LPCAT3: variants seen among roughly 807,000 people sequenced by gnomAD.
LPCAT3 encodes lysophosphatidylcholine acyltransferase 3.
A neutral mutation model predicts 63.4 loss-of-function variants in LPCAT3; 21 were observed. The observed-to-expected ratio is 0.33, with a 90% confidence interval of 0.23 to 0.48. The LOEUF (loss-of-function observed/expected upper bound fraction) is 0.48, where lower values mean the gene tolerates loss of function less well. Among genes scored for constraint, LPCAT3 ranks in the 20% least tolerant of loss-of-function variants. The probability of loss-of-function intolerance (pLI) is 0.99; values close to 1 mark genes in which losing one functional copy is unlikely to be tolerated. For synonymous variants in LPCAT3, 242 were observed against 227.5 expected (o/e 1.06, Z -0.58); for missense variants, 451 against 590.6 (o/e 0.76, Z 2.45).
At chr12:6,980,702 A>G in intron 6 of LPCAT3, 2 of 199,912 alleles carry the variant, frequency 1.0e-5, no homozygotes, top group Non-Finnish European at 2.0e-5. Context: ...CCTATCAATC[A>G]TAAATATATT....
At position 6,977,073 on chromosome 12, in the gene LPCAT3, TCCAG is replaced by T; in HGVS notation, c.*12+57_*12+60del. Reference sequence around the variant, plus strand: ...CAGATTTCTAATACTATTGTTTTTTTCCAGTCTGTTGCTCTATTCTGTAACCTGG... The same window carrying T: ...CAGATTTCTAATACTATTGTTTTTTTTCTGTTGCTCTATTCTGTAACCTGG... On this transcript the variant is annotated intron_variant, in intron 12 of 12. Transcript: ENST00000261407. The surrounding 1 kb of genome is among the most constrained non-coding windows in gnomAD (Gnocchi z 4.5). 2 of 1,041,552 alleles carry T rather than the reference TCCAG, an allele frequency of 1.9e-6. No homozygotes were observed. Among genetic ancestry groups the T allele is most frequent in the Admixed American group, 1.8e-5 (1 of 56,160 alleles). The allele number at this position is 1,041,552 out of a possible 1,614,324, so 64.5% of individuals were successfully genotyped here.
chr12:7,007,296 C>A (rs1441640295), intron 1 of LPCAT3, among the ~76,000 whole-genome samples: 2 of 151,818 alleles, frequency 1.3e-5, no homozygotes, highest in African/African-American at 4.8e-5. Flanking sequence ...GGTGATCCAC[C>A]CACCTTGGCT....
intron 1 of LPCAT3, among the ~76,000 whole-genome samples, chr12:7,003,192 A>G (rs1946701142): frequency 6.6e-6 from 1 of 152,140 alleles, no homozygotes; most frequent in African/African-American, 2.4e-5. Context: ...AACTGGCTCA[A>G]ATAAAAACCA....
intron 9 of LPCAT3, 181 bp downstream of exon 9, chr12:6,978,160 A>G (rs1946430615): frequency 4.4e-6 from 3 of 689,442 alleles, no homozygotes; most frequent in Non-Finnish European, 7.1e-6. Context: ...TTTTTCAAAT[A>G]TGACAGTAAT....
chr12:6,980,482 T>C (rs1288374191), intron 6 of LPCAT3, among the ~76,000 whole-genome samples: 3 of 152,126 alleles, frequency 2.0e-5, no homozygotes, highest in South Asian at 4.1e-4. Flanking sequence ...CAGCCTCCTA[T>C]GTAGCTTGGA....
intron 12 of LPCAT3, 88 bp from the exon 13 acceptor site, chr12:6,976,979 C>T (rs1009743350): frequency 6.5e-6 from 4 of 615,676 alleles, no homozygotes; most frequent in Non-Finnish European, 1.2e-5. Context: ...TAGCATGCCT[C>T]AATAAGTCAC....
chr12:6,979,127 G>A, intron 7 of LPCAT3: 1 of 335,700 alleles, frequency 3.0e-6, no homozygotes, highest in South Asian at 4.6e-5. Flanking sequence ...CCCTAGAAGT[G>A]CCCAAATGTA....
At chr12:7,008,503 G>T (rs1334645015) in intron 1 of LPCAT3, among the ~76,000 whole-genome samples, 1 of 152,120 alleles carries the variant, frequency 6.6e-6, no homozygotes, top group South Asian at 2.1e-4. Flanking sequence ...ATTAAGAAAC[G>T]TAAGGAGATC....
At position 6,987,450 on chromosome 12, in the gene LPCAT3, T is replaced by C. The variant is rs781949721; in HGVS notation, c.152-3911A>G. Among the ~76,000 whole-genome samples the C allele has an allele frequency of 6.6e-6, 1 of 152,326 alleles. No individual in the cohort carries two copies. The highest frequency in any genetic ancestry group is 2.4e-5 in the African/African-American group (1 of 41,580). On this transcript the variant is annotated intron_variant, in intron 1 of 12. Coordinates refer to ENST00000261407, the MANE Select transcript of LPCAT3 (RefSeq NM_005768.6). The surrounding 1 kb of genome is among the most constrained non-coding windows in gnomAD (Gnocchi z 4.1). ...CAAGGAAATAGGATCAAGTCTCATATATTTCACATGGGCAGAAATTTGGCA... is the reference window on the plus strand; with the variant it reads ...CAAGGAAATAGGATCAAGTCTCATACATTTCACATGGGCAGAAATTTGGCA...
chr12:6,985,218 C>T (rs1254595190), intron 1 of LPCAT3, among the ~76,000 whole-genome samples: 3 of 151,410 alleles, frequency 2.0e-5, no homozygotes, highest in South Asian at 4.2e-4. Flanking sequence ...GGTGAAACCC[C>T]GTCTCTACTA....
At chr12:7,001,364 A>T in intron 1 of LPCAT3, 1 of 452,142 alleles carries the variant, frequency 2.2e-6, no homozygotes, top group Non-Finnish European at 4.4e-6. Context: ...TAAGCTTCAG[A>T]TCCCAGAAAT....
chr12:7,001,947 C>T (rs1946690236), intron 1 of LPCAT3, among the ~76,000 whole-genome samples: 1 of 151,800 alleles, frequency 6.6e-6, no homozygotes, highest in South Asian at 2.1e-4. Context: ...ATGTGGGAGT[C>T]GGGGGGGAGT....
chr12:7,005,785 T>C (rs940153667), intron 1 of LPCAT3, among the ~76,000 whole-genome samples: 1 of 152,248 alleles, frequency 6.6e-6, no homozygotes, highest in Non-Finnish European at 1.5e-5. Context: ...TATCTTTTTA[T>C]TGTTGAATTC....
rs61917872 is a variant in LPCAT3, at chr12:6,976,881, G to T, written c.*23C>A. On this transcript the variant is annotated 3_prime_UTR_variant, in exon 13 of 13. Transcript: ENST00000261407. Reference sequence around the variant, plus strand: ...GACGAGTAGTTTCTGCACCAGTCCCGCACAGGCCACCTGCAAGACAAGAGG... The same window carrying T: ...GACGAGTAGTTTCTGCACCAGTCCCTCACAGGCCACCTGCAAGACAAGAGG... 64 of 424,894 alleles carry T rather than the reference G, an allele frequency of 1.5e-4. No individual in the cohort carries two copies. The highest frequency in any genetic ancestry group is 1.4e-3 in the Middle Eastern group (2 of 1,462). The allele number at this position is 424,894 out of a possible 1,614,324, so 26.3% of individuals were successfully genotyped here. A position where few individuals can be genotyped will look rare whatever the true frequency, so the allele number is the denominator to read the frequency against.
chr12:7,002,877 C>T (rs782057260), intron 1 of LPCAT3, among the ~76,000 whole-genome samples: 1 of 152,178 alleles, frequency 6.6e-6, no homozygotes, highest in African/African-American at 2.4e-5. Context: ...GGCGTGGTGG[C>T]GGGCGCCTGT....
chr12:7,000,792 C>T (rs1005397845), intron 1 of LPCAT3, among the ~76,000 whole-genome samples: 1 of 151,328 alleles, frequency 6.6e-6, no homozygotes, highest in East Asian at 2.0e-4. Flanking sequence ...CTGCAAGCTC[C>T]GCCTCCCGGG....
chr12:6,979,090 T>C, intron 7 of LPCAT3: 1 of 295,974 alleles, frequency 3.4e-6, no homozygotes, highest in South Asian at 5.8e-5. Context: ...AAGCCAGCAC[T>C]TCCCCCCTTC....
chr12:6,979,806 A>G, intron 6 of LPCAT3: 1 of 564,578 alleles, frequency 1.8e-6, no homozygotes, highest in Non-Finnish European at 3.2e-6. Context: ...AAGTCAGGGC[A>G]GCAGACAGTG....
At chr12:7,004,425 C>T (rs967545417) in intron 1 of LPCAT3, among the ~76,000 whole-genome samples, 2 of 152,078 alleles carry the variant, frequency 1.3e-5, no homozygotes, top group African/African-American at 4.8e-5. Context: ...CCTTATCTTA[C>T]GGAAGAGGAA....
Sources: gnomAD v4.1 joint callset for allele counts (sites outside exome capture counted in the v4.1 genomes callset) on GRCh38, gnomAD v4.1.1 for gene constraint, Gnocchi (gnomAD v3.1) non-coding constraint, MANE v1.5 for transcripts, NCBI Gene and HGNC (gene_info 2026-07-23, HGNC 2026-07-21) for gene names.